The following REEP3 variants were observed in gnomAD, a reference collection of about 807,000 sequenced individuals.
REEP3 encodes receptor expression-enhancing protein 3.
In REEP3, 20 loss-of-function variants were observed where a neutral mutation model predicts 41.3. The observed-to-expected ratio is 0.48, with a 90% CI of 0.34 to 0.70. The LOEUF (loss-of-function observed/expected upper bound fraction) is 0.70, where lower values mean the gene tolerates loss of function less well. Ranked by LOEUF, REEP3 falls within the 30% of genes least tolerant of loss-of-function variation. The pLI is 0.01. For synonymous variants in REEP3, 104 were observed against 101.8 expected (o/e 1.02, Z -0.13); for missense variants, 271 against 308.8 (o/e 0.88, Z 0.92).
At chr10:63,618,050 T>G (rs1293307664) in intron 6 of REEP3, among the ~76,000 whole-genome samples, 3 of 151,632 alleles carry the variant, frequency 2.0e-5, no homozygotes, top group Non-Finnish European at 4.4e-5. Context: ...GGTCTCGAAC[T>G]CCTGACCTCA....
chr10:63,571,620 C>T lies in REEP3; in HGVS notation c.105+5210C>T, dbSNP rs532524470. Among the ~76,000 whole-genome samples the T allele has an allele frequency of 4.6e-5, 7 of 152,272 alleles. No individual in the cohort carries two copies. The South Asian group carries it at 1.4e-3, about 32-fold the overall frequency. ...TCCCATTTCAAGGTCAGCTGATTAG[C>T]AACCCTAATTTCATCTGCAACCTTA... On this transcript the variant is annotated intron_variant, in intron 2 of 7. Coordinates refer to ENST00000373758, the MANE Select transcript of REEP3 (RefSeq NM_001001330.3).
intron 1 of REEP3, among the ~76,000 whole-genome samples, chr10:63,545,236 T>C (rs897857330): frequency 7.2e-5 from 11 of 152,264 alleles, no homozygotes; most frequent in African/African-American, 2.7e-4. Context: ...CAGATTAATG[T>C]AATTAGCATA....
chr10:63,528,578 G>A (rs907572412), intron 1 of REEP3, among the ~76,000 whole-genome samples: 5 of 152,166 alleles, frequency 3.3e-5, no homozygotes, highest in African/African-American at 1.2e-4. Context: ...CATGTGACTC[G>A]TCTGCTCACA....
intron 1 of REEP3, among the ~76,000 whole-genome samples, chr10:63,536,827 T>C (rs1955479168): frequency 6.6e-6 from 1 of 152,156 alleles, no homozygotes; most frequent in Admixed American, 6.5e-5. Context: ...ACTTACTAGA[T>C]TGCAAAAATT....
chr10:63,525,668 C>T lies in REEP3; in HGVS notation c.32+4091C>T, dbSNP rs141181890. Among the ~76,000 whole-genome samples, 986 of 152,320 alleles carry T rather than the reference C, an allele frequency of 6.5e-3. 4 individuals are homozygous for T. Among genetic ancestry groups the T allele is most frequent in the Non-Finnish European group, 0.01 (704 of 68,024 alleles). On this transcript the variant is annotated intron_variant, in intron 1 of 7. Coordinates refer to ENST00000373758, the MANE Select transcript of REEP3 (RefSeq NM_001001330.3). ...TCCTGACCTCAGGTGATCCTCCCAC[C>T]TCAGCCTCCCAAAGTGCTGGGATTA... is the stretch of plus-strand genomic sequence containing the variant.
chr10:63,606,765 T>A (rs962784998), intron 5 of REEP3, among the ~76,000 whole-genome samples: 3 of 152,142 alleles, frequency 2.0e-5, no homozygotes, highest in Non-Finnish European at 4.4e-5. Context: ...GAGTGAGAAA[T>A]GGATTGGAAA....
chr10:63,613,322 T>G (rs1474393747), intron 6 of REEP3, among the ~76,000 whole-genome samples: 2 of 152,198 alleles, frequency 1.3e-5, no homozygotes, highest in African/African-American at 2.4e-5. Context: ...CTACCAAATT[T>G]TATATCTATG....
Position 63,617,426 on chromosome 10 carries a change from T to G in REEP3, c.566-2229T>G, listed in dbSNP as rs138745943. On this transcript the variant is annotated intron_variant, in intron 6 of 7. Coordinates refer to ENST00000373758, the MANE Select transcript of REEP3 (RefSeq NM_001001330.3). ...AAACATGTATTCAATTTTTTTAATA[T>G]GTATATTTTTTGAAACAGGCTATAA... Among the ~76,000 whole-genome samples, 216 of 152,278 alleles carry G rather than the reference T, an allele frequency of 1.4e-3. 4 individuals carry two copies. The East Asian group carries it at 0.036, about 25-fold the overall frequency.
At chr10:63,558,082 G>C (rs548498323) in intron 1 of REEP3, among the ~76,000 whole-genome samples, 2 of 152,260 alleles carry the variant, frequency 1.3e-5, no homozygotes, top group South Asian at 2.1e-4. Flanking sequence ...TTATAGAGCA[G>C]ATTATTATAA....
rs147911081 is a variant in REEP3, at chr10:63,553,117, T to C, written c.33-13221T>C. Among the ~76,000 whole-genome samples, 100 of 152,362 alleles carry C rather than the reference T, an allele frequency of 6.6e-4. 1 individual carries two copies. In the East Asian group the frequency reaches 0.017, roughly 26 times the overall value. ...TTACAAAATAAGAAGACCAAACCTT[T>C]TTTTAAAGCCCCGTTAATGAAAGAC... On this transcript the variant is annotated intron_variant, in intron 1 of 7. Coordinates refer to ENST00000373758, the MANE Select transcript of REEP3 (RefSeq NM_001001330.3).
Position 63,538,886 on chromosome 10 carries a change from G to A in REEP3, c.32+17309G>A, listed in dbSNP as rs78163951. Reference sequence around the variant, plus strand: ...GATAGCCAGGATTTATTTGGCCTGTGAGACTATCCCCTTGCTTCCTTGTCA... The same window carrying A: ...GATAGCCAGGATTTATTTGGCCTGTAAGACTATCCCCTTGCTTCCTTGTCA... On this transcript the variant is annotated intron_variant, in intron 1 of 7. Transcript: ENST00000373758. 5.9e-3 allele frequency among the ~76,000 whole-genome samples: 896 copies of A among 152,266 alleles called. 5 individuals are homozygous for A. The highest frequency in any genetic ancestry group is 0.016 in the African/African-American group (668 of 41,550).
chr10:63,578,123 G>T (rs559171445), intron 2 of REEP3, among the ~76,000 whole-genome samples: 19 of 152,108 alleles, frequency 1.2e-4, no homozygotes, highest in African/African-American at 4.6e-4. Context: ...ATTTAAAGTC[G>T]GAGTCTTGCT....
intron 2 of REEP3, among the ~76,000 whole-genome samples, chr10:63,570,119 T>A (rs1955839676): frequency 6.6e-6 from 1 of 152,170 alleles, no homozygotes; most frequent in Non-Finnish European, 1.5e-5. Context: ...CACTCAGATT[T>A]TCATTACTAG....
chr10:63,523,965 C>T (rs150885802), intron 1 of REEP3, among the ~76,000 whole-genome samples: 1 of 152,250 alleles, frequency 6.6e-6, no homozygotes, highest in African/African-American at 2.4e-5. Context: ...GGGATTAAAG[C>T]CTCTCTCCAG....
intron 2 of REEP3, among the ~76,000 whole-genome samples, chr10:63,591,416 AT>A (rs141138436): frequency 0.2 from 30,575 of 152,112 alleles, 3,973 homozygotes; most frequent in Non-Finnish European, 0.29. Flanking sequence ...AACAAAAAAA[AT>A]CATAGGTTCA....
At chr10:63,591,376 A>G (rs549185821) in intron 2 of REEP3, among the ~76,000 whole-genome samples, 31 of 152,174 alleles carry the variant, frequency 2.0e-4, no homozygotes, top group Middle Eastern at 3.4e-3. Context: ...CCTGTATTCA[A>G]CTATATTTAA....
intron 2 of REEP3, among the ~76,000 whole-genome samples, chr10:63,570,768 G>A (rs1332873130): frequency 6.6e-6 from 1 of 152,142 alleles, no homozygotes; most frequent in Non-Finnish European, 1.5e-5. Flanking sequence ...CCTTTGACAG[G>A]GAAATGTGTC....
chr10:63,603,916 A>C (rs1311740583), intron 5 of REEP3, among the ~76,000 whole-genome samples: 1 of 152,246 alleles, frequency 6.6e-6, no homozygotes, highest in Admixed American at 6.5e-5. Flanking sequence ...TGAACCAGAC[A>C]CTTCATACTG....
chr10:63,528,368 C>T (rs1955386463), intron 1 of REEP3, among the ~76,000 whole-genome samples: 2 of 152,272 alleles, frequency 1.3e-5, no homozygotes, highest in African/African-American at 4.8e-5. Context: ...TCCTCTCTTT[C>T]TCTAGTTCCC....
Sources: allele counts gnomAD v4.1 joint callset (sites outside exome capture counted in the v4.1 genomes callset), GRCh38; gene constraint gnomAD v4.1.1; transcripts MANE v1.5; gene names NCBI Gene and HGNC (gene_info 2026-07-23, HGNC 2026-07-21).